The following COLEC10 variants were observed in gnomAD, a reference collection of about 807,000 sequenced individuals.
The protein encoded by COLEC10 is collectin-10.
COLEC10 carries 22 observed loss-of-function variants against 28.4 expected under a neutral mutation model. The observed-to-expected ratio is 0.78, with a 90% CI of 0.55 to 1.11. The LOEUF (loss-of-function observed/expected upper bound fraction) is 1.11, where lower values mean the gene tolerates loss of function less well. Among genes scored for constraint, COLEC10 ranks in the 50% least tolerant of loss-of-function variants. The pLI, the probability that COLEC10 is intolerant of heterozygous loss-of-function variation, is 0.00. For missense variants in COLEC10, 361 were observed against 344.1 expected (o/e 1.05, Z -0.39); for synonymous variants, 125 against 116.1 (o/e 1.08, Z -0.49).
chr8:119,088,730 T>A (rs1216240538), intron 1 of COLEC10, among the ~76,000 whole-genome samples: 1 of 152,178 alleles, frequency 6.6e-6, no homozygotes, highest in African/African-American at 2.4e-5. Context: ...GCTCACCTTG[T>A]TGATCCGAAA....
chr8:119,048,802 T>C (rs1814627524), intron 2 of COLEC10, among the ~76,000 whole-genome samples: 1 of 151,668 alleles, frequency 6.6e-6, no homozygotes, highest in African/African-American at 2.4e-5. Flanking sequence ...CTTGCCACTC[T>C]ATAGCTTTTA....
At chr8:118,973,151 C>T in the COLEC10 span, among the ~76,000 whole-genome samples, 1 of 152,020 alleles carries the variant, frequency 6.6e-6, no homozygotes, top group Non-Finnish European at 1.5e-5. Context: ...TGATACTTCT[C>T]ACCAGAATCA....
At chr8:119,018,456 T>C (rs1344293293) in intron 2 of COLEC10, among the ~76,000 whole-genome samples, 2 of 152,216 alleles carry the variant, frequency 1.3e-5, no homozygotes, top group East Asian at 3.8e-4. Context: ...AGATGCTTGC[T>C]TATTGAAACT....
chr8:119,095,046 AGG>A (rs1251695395), intron 3 of COLEC10, among the ~76,000 whole-genome samples: 2 of 152,216 alleles, frequency 1.3e-5, no homozygotes, highest in Non-Finnish European at 2.9e-5. Context: ...TTGAAAATAA[AGG>A]AATATGAGCG....
chr8:119,060,770 G>C (rs538065547), intron 2 of COLEC10, among the ~76,000 whole-genome samples: 8 of 152,094 alleles, frequency 5.3e-5, no homozygotes, highest in Non-Finnish European at 1.0e-4. Context: ...CTATAATACA[G>C]TAGATACTGT....
At chr8:119,045,778 T>C (rs1434159717) in intron 2 of COLEC10, among the ~76,000 whole-genome samples, 1 of 152,214 alleles carries the variant, frequency 6.6e-6, no homozygotes, top group Admixed American at 6.5e-5. Flanking sequence ...TTCTAACCCA[T>C]AGCCCTCTGT....
chr8:119,037,603 G>A (rs1470209673), intron 2 of COLEC10, among the ~76,000 whole-genome samples: 1 of 152,086 alleles, frequency 6.6e-6, no homozygotes, highest in Non-Finnish European at 1.5e-5. Flanking sequence ...CTCAGTCTCA[G>A]GTATGTGAGT....
At chr8:119,067,240 A>G (rs775388755), upstream of COLEC10, 24 of 1,604,216 alleles carry the variant, frequency 1.5e-5, no homozygotes, top group Non-Finnish European at 2.0e-5. Flanking sequence ...AAAGCTGTTT[A>G]TTTGGCATTT....
the COLEC10 span, among the ~76,000 whole-genome samples, chr8:118,968,782 C>G: frequency 6.6e-6 from 1 of 151,944 alleles, no homozygotes; most frequent in Non-Finnish European, 1.5e-5. Flanking sequence ...GGCCCCCTAC[C>G]CCCAACAGGC....
chr8:118,953,200 C>G, the COLEC10 span, among the ~76,000 whole-genome samples: 2 of 152,140 alleles, frequency 1.3e-5, no homozygotes, highest in Non-Finnish European at 2.9e-5. Flanking sequence ...AGCTTTGTCC[C>G]TCAAGGGCCA....
At chr8:118,986,344 C>A in the COLEC10 span, among the ~76,000 whole-genome samples, 1 of 152,068 alleles carries the variant, frequency 6.6e-6, no homozygotes, top group African/African-American at 2.4e-5. Context: ...CATAAAAGTT[C>A]ATTCACTGAA....
At chr8:119,094,455 C>T (rs1815671052) in intron 3 of COLEC10, among the ~76,000 whole-genome samples, 1 of 152,168 alleles carries the variant, frequency 6.6e-6, no homozygotes, top group South Asian at 2.1e-4. Context: ...TTACATTAAT[C>T]CTTCTGCTAA....
intron 1 of COLEC10, among the ~76,000 whole-genome samples, chr8:119,074,784 A>G (rs571834630): frequency 6.6e-6 from 1 of 152,282 alleles, no homozygotes; most frequent in Admixed American, 6.5e-5. Context: ...TAGCTCTCCA[A>G]CTGAGCCTGG....
At chr8:119,078,376 T>C (rs1462279233) in intron 1 of COLEC10, among the ~76,000 whole-genome samples, 1 of 152,124 alleles carries the variant, frequency 6.6e-6, no homozygotes. Flanking sequence ...ATTTGCTTCT[T>C]AGGCAGAGAA....
chr8:118,967,703 T>C, the COLEC10 span, among the ~76,000 whole-genome samples: 2 of 152,122 alleles, frequency 1.3e-5, no homozygotes, highest in African/African-American at 4.8e-5. Flanking sequence ...CATAAATAAT[T>C]GTAAACAAAG....
intron 2 of COLEC10, among the ~76,000 whole-genome samples, chr8:119,031,541 C>G (rs12681616): frequency 0.044 from 6,683 of 152,146 alleles, 213 homozygotes; most frequent in East Asian, 0.16. Flanking sequence ...GTCATGAAAA[C>G]AGAATTGTGT....
the COLEC10 span, among the ~76,000 whole-genome samples, chr8:118,972,725 C>T: frequency 1.3e-5 from 2 of 152,020 alleles, no homozygotes; most frequent in East Asian, 1.9e-4. Flanking sequence ...TAATATCCAT[C>T]TACCTTCTAG....
At chr8:118,968,570 T>C in the COLEC10 span, among the ~76,000 whole-genome samples, 5 of 151,732 alleles carry the variant, frequency 3.3e-5, no homozygotes, top group East Asian at 9.7e-4. Context: ...TCTTTATATA[T>C]ATACATATAT....
chr8:119,036,177 A>G (rs1031717464), intron 2 of COLEC10, among the ~76,000 whole-genome samples: 4 of 152,218 alleles, frequency 2.6e-5, no homozygotes, highest in Admixed American at 6.5e-5. Flanking sequence ...TCCATTTCAA[A>G]ATTTCTTTTC....
Sources: allele counts gnomAD v4.1 joint callset (sites outside exome capture counted in the v4.1 genomes callset), GRCh38; gene constraint gnomAD v4.1.1; transcripts MANE v1.5; gene names NCBI Gene and HGNC (gene_info 2026-07-23, HGNC 2026-07-21).